TCTN3: variants seen among roughly 807,000 people sequenced by gnomAD.
TCTN3 encodes tectonic-3.
In TCTN3, 57 loss-of-function variants were observed where a neutral mutation model predicts 71.3. The observed-to-expected ratio is 0.80, with a 90% CI of 0.65 to 1.00. The LOEUF (loss-of-function observed/expected upper bound fraction) is 1.00, where lower values mean the gene tolerates loss of function less well. Among genes scored for constraint, TCTN3 ranks in the 50% least tolerant of loss-of-function variants. The probability of loss-of-function intolerance (pLI) is 0.00; values close to 1 mark genes in which losing one functional copy is unlikely to be tolerated. For missense variants in TCTN3, 696 were observed against 719.9 expected (o/e 0.97, Z 0.38); for synonymous variants, 258 against 267.8 (o/e 0.96, Z 0.36).
chr10:95,684,798 T>C (rs2097946690), intron 8 of TCTN3, among the ~76,000 whole-genome samples, 174 bp from the exon 9 acceptor site: 1 of 152,216 alleles, frequency 6.6e-6, no homozygotes, highest in Non-Finnish European at 1.5e-5. Context: ...TTTCATATTA[T>C]ATTTGTATAT....
At position 95,666,936 on chromosome 10, in the gene TCTN3, ATTATCT is replaced by A. The variant is rs1007403524; in HGVS notation, c.1591-2642_1591-2637del. Among the ~76,000 whole-genome samples the A allele has an allele frequency of 2.1e-4, 32 of 152,188 alleles. 1 individual carries two copies. The highest frequency in any genetic ancestry group is 3.9e-4 in the Admixed American group (6 of 15,276). On this transcript the variant is annotated intron_variant, in intron 13 of 13. Transcript: ENST00000371217. ...TAATTAGTAATAAAACTGATATTTG[ATTATCT>A]TTATCTGACTCCTTTTAATTGGTTT...
chr10:95,685,753 C>CT (rs1185772308), intron 7 of TCTN3, 117 bp from the exon 8 acceptor site: 2 of 728,578 alleles, frequency 2.7e-6, no homozygotes, highest in Non-Finnish European at 4.5e-6. Flanking sequence ...CCCTCTCTCT[C>CT]TCTTCTTCCA....
chr10:95,693,622 C>T (rs1223004857), intron 1 of TCTN3, 22 bp downstream of exon 1: 1 of 1,548,550 alleles, frequency 6.5e-7, no homozygotes, highest in Admixed American at 2.0e-5. Flanking sequence ...TAAGTTTCCA[C>T]CCCCACAACG....
chr10:95,682,125 G>T (rs146591175), intron 12 of TCTN3, among the ~76,000 whole-genome samples: 2 of 151,430 alleles, frequency 1.3e-5, no homozygotes, highest in Non-Finnish European at 2.9e-5. Flanking sequence ...GGCCCAGAAG[G>T]TTGAGAATGC....
At chr10:95,678,814 T>C (rs1488206687) in intron 13 of TCTN3, among the ~76,000 whole-genome samples, 1 of 152,190 alleles carries the variant, frequency 6.6e-6, no homozygotes, top group African/African-American at 2.4e-5. Flanking sequence ...TTGTAAGCAC[T>C]ATAAGATATA....
Position 95,685,601 on chromosome 10 carries a change from A to C in TCTN3, c.924T>G (p.Asn308Lys), listed in dbSNP as rs971089853. 4 of 1,551,474 alleles carry C rather than the reference A, an allele frequency of 2.6e-6. No homozygotes were observed. The Admixed American group carries it at 7.8e-5, about 30-fold the overall frequency. The change falls in exon 8 of 14, where the codon AAT becomes AAG. Residue 308 changes from asparagine (N) to lysine (K), a missense_variant. Asn to Lys is a moderately conservative substitution (Grantham distance 94). Transcript: ENST00000371217. The stretch of plus-strand genomic sequence containing the variant: ...AAGTGTTTCCAGCCAACAGAGGAGC[A>C]TTAGCCTGTGAGGTAAGTATTACAG... ...QVPVILTSQA[N>K]APLLAGNTCQ... is the part of the protein sequence containing the mutation.
At position 95,693,661 on chromosome 10, in the gene TCTN3, G is replaced by C. The variant is rs1365076582; in HGVS notation, c.239C>G (p.Thr80Ser). ...TCCCTCACCTGGGAAGAGGTCCACAGTCCTATTCCCAGGGGCCGAGGGAGT... is the reference window on the plus strand; with the variant it reads ...TCCCTCACCTGGGAAGAGGTCCACACTCCTATTCCCAGGGGCCGAGGGAGT... ...LVTPSAPGNR[T>S]VDLFPVLPIC... The change falls in exon 1 of 14, where the codon ACT (threonine) becomes AGT (serine). Residue 80 changes from threonine to serine, a missense_variant. Coordinates refer to ENST00000371217, the MANE Select transcript of TCTN3 (RefSeq NM_015631.6). The C allele has an allele frequency of 6.4e-7, 1 of 1,551,524 alleles. No homozygotes were observed. Among genetic ancestry groups the C allele is most frequent in the African/African-American group, 1.4e-5 (1 of 73,036 alleles).
chr10:95,688,262 C>T (rs757112511), intron 3 of TCTN3, among the ~76,000 whole-genome samples: 1 of 151,598 alleles, frequency 6.6e-6, no homozygotes, highest in Non-Finnish European at 1.5e-5. Flanking sequence ...TGGTGGCAGG[C>T]GCCTGTAATC....
intron 13 of TCTN3, among the ~76,000 whole-genome samples, chr10:95,668,838 G>A (rs1336304342): frequency 6.6e-6 from 1 of 152,172 alleles, no homozygotes; most frequent in Non-Finnish European, 1.5e-5. Flanking sequence ...GGGTTATGGA[G>A]GTCTCCATGA....
At chr10:95,681,303 T>C (rs554426741) in intron 12 of TCTN3, among the ~76,000 whole-genome samples, 37 of 152,188 alleles carry the variant, frequency 2.4e-4, no homozygotes, top group African/African-American at 8.7e-4. Flanking sequence ...CTTAAACTCC[T>C]GATCTCAAGT....
intron 13 of TCTN3, among the ~76,000 whole-genome samples, chr10:95,678,632 A>G (rs1167589722): frequency 2.6e-5 from 4 of 152,120 alleles, no homozygotes; most frequent in Admixed American, 6.6e-5. Context: ...TCATAAATGC[A>G]TAAAGAAAAA....
At chr10:95,693,221 G>C in intron 2 of TCTN3, 132 bp downstream of exon 2, 1 of 1,432,124 alleles carries the variant, frequency 7.0e-7, no homozygotes, top group Non-Finnish European at 9.3e-7. Context: ...CAATTCCTAG[G>C]AAAAACCAAG....
In TCTN3 at chr10:95,687,075, G is replaced by C. The variant is rs377047502; in HGVS notation, c.821C>G (p.Ala274Gly). 3.2e-5 allele frequency: 51 copies of C among 1,614,066 alleles called. No homozygotes were observed. In the African/African-American group the frequency reaches 6.7e-4, roughly 21 times the overall value. Reference sequence around the variant, plus strand: ...GACTGTGAAGTTATAGTAAGAGGCAGCATTGAGGGCTGAATCCAAGGTACA... The same window carrying C: ...GACTGTGAAGTTATAGTAAGAGGCACCATTGAGGGCTGAATCCAAGGTACA... ...SSCTLDSALN[A>G]ASYYNFTVLK... is the part of the protein sequence containing the mutation. The change falls in exon 6 of 14, where the codon GCT becomes GGT. Residue 274 changes from alanine (A) to glycine (G), a missense_variant. Ala to Gly is a moderately conservative substitution (Grantham distance 60, BLOSUM62 0). Coordinates refer to ENST00000371217, the MANE Select transcript of TCTN3 (RefSeq NM_015631.6).
At chr10:95,687,192 G>A (rs752193922) in intron 5 of TCTN3, 33 bp from the exon 6 acceptor site, 19 of 1,611,690 alleles carry the variant, frequency 1.2e-5, no homozygotes, top group Middle Eastern at 3.3e-4. Flanking sequence ...AGTGGTAAAT[G>A]AGAAAGCCTG....
At chr10:95,676,119 C>T (rs763757560) in intron 13 of TCTN3, among the ~76,000 whole-genome samples, 5 of 151,964 alleles carry the variant, frequency 3.3e-5, no homozygotes, top group Non-Finnish European at 7.4e-5. Context: ...TTAAATAAAA[C>T]AATTAGTTAT....
chr10:95,670,359 ATT>A (rs1297948600), intron 13 of TCTN3, among the ~76,000 whole-genome samples: 1 of 132,422 alleles, frequency 7.6e-6, no homozygotes, highest in African/African-American at 2.8e-5. Context: ...TTTTATTTTT[ATT>A]TTTATTTATT....
Position 95,687,709 on chromosome 10 carries a change from G to C in TCTN3, c.510C>G (p.Asn170Lys). 3 of 1,609,854 alleles carry C rather than the reference G, an allele frequency of 1.9e-6. No homozygotes were observed. The highest frequency in any genetic ancestry group is 2.5e-6 in the Non-Finnish European group (3 of 1,178,948). The change falls in exon 4 of 14, where the codon AAC becomes AAG. Residue 170 changes from asparagine (N) to lysine (K), a missense_variant. Physicochemically the swap from Asn to Lys is moderately conservative, Grantham distance 94. Coordinates refer to ENST00000371217, the MANE Select transcript of TCTN3 (RefSeq NM_015631.6). ...TGACCTTTTGAAGCTTCTGGAAATA[G>C]TTTAAGTTTGCTAAAATGTTTTTTA... Reference protein sequence around the residue: ...FCVHVNNSNLNYFQKLQKVNA... With the variant: ...FCVHVNNSNLKYFQKLQKVNA...
At chr10:95,672,664 T>G (rs1347959842) in intron 13 of TCTN3, among the ~76,000 whole-genome samples, 1 of 151,782 alleles carries the variant, frequency 6.6e-6, no homozygotes, top group African/African-American at 2.4e-5. Context: ...TTATCTCCAT[T>G]TGTGAAGTAT....
At chr10:95,675,875 A>G (rs1487632837) in intron 13 of TCTN3, among the ~76,000 whole-genome samples, 2 of 152,242 alleles carry the variant, frequency 1.3e-5, no homozygotes, top group African/African-American at 4.8e-5. Context: ...AGATTGTGGC[A>G]GAGGTTCTTA....
Sources: allele counts gnomAD v4.1 joint callset (sites outside exome capture counted in the v4.1 genomes callset), GRCh38; gene constraint gnomAD v4.1.1; transcripts MANE v1.5; gene names NCBI Gene and HGNC (gene_info 2026-07-23, HGNC 2026-07-21).